NFE2L1: variants seen among roughly 807,000 people sequenced by gnomAD.
The protein encoded by NFE2L1 is NFE2 like bZIP transcription factor 1, also known as endoplasmic reticulum membrane sensor NFE2L1.
A neutral mutation model predicts 61.6 loss-of-function variants in NFE2L1; 18 were observed. That is an observed-to-expected ratio of 0.29 (90% CI 0.20 to 0.43). The LOEUF (loss-of-function observed/expected upper bound fraction) is 0.43. Among genes scored for constraint, NFE2L1 ranks in the 20% least tolerant of loss-of-function variants. NFE2L1 has a pLI of 1.00. For missense variants in NFE2L1, 827 were observed against 973.5 expected, an observed-to-expected ratio of 0.85 and a Z score of 2.00; for synonymous variants, 419 against 402.7, an observed-to-expected ratio of 1.04 and a Z score of -0.48.
chr17:48,059,635 A>G lies in NFE2L1; in HGVS notation c.2313A>G (p.Arg771=), dbSNP rs547575096. Residue 771 remains arginine, a synonymous_variant, in exon 6 of 6, where the codon AGA becomes AGG. Coordinates refer to ENST00000362042, the MANE Select transcript of NFE2L1 (RefSeq NM_003204.3). This position sits in a 1 kb window ranked among gnomAD's most constrained non-coding sequence, Gnocchi z 6.1. The stretch of plus-strand genomic sequence containing the variant: ...AGGAGAGGAAGCCAAAGGACCGGAG[A>G]AAGTGAGCCTGGGGAAGAAGGGGGT... ...RRQERKPKDR[R]K 6 of 1,548,854 alleles carry G rather than the reference A, an allele frequency of 3.9e-6. No homozygotes were observed. In the African/African-American group the frequency reaches 5.5e-5, roughly 14 times the overall value.
At position 48,059,024 on chromosome 17, in the gene NFE2L1, C is replaced by G; in HGVS notation, c.1702C>G (p.Leu568Val). 4.3e-6 allele frequency: 7 copies of G among 1,614,094 alleles called. No homozygotes were observed. Among genetic ancestry groups the G allele is most frequent in the Non-Finnish European group, 5.9e-6 (7 of 1,180,034 alleles). ...DPAQLSCLPY[L>V]EHVGHNHTYN... ...AGCTCAGCTCTCATGCCTGCCCTAC[C>G]TGGAGCACGTGGGCCACAACCACAC... is the stretch of plus-strand genomic sequence containing the variant. Residue 568 changes from leucine to valine, a missense_variant, in exon 6 of 6, where the codon CTG (leucine) becomes GTG (valine). Coordinates refer to ENST00000362042, the MANE Select transcript of NFE2L1 (RefSeq NM_003204.3). This position sits in a 1 kb window ranked among gnomAD's most constrained non-coding sequence, Gnocchi z 6.1.
chr17:48,051,480 G>A lies in NFE2L1; in HGVS notation c.362G>A (p.Gly121Asp). 6.2e-7 allele frequency: 1 copy of A among 1,614,162 alleles called. No individual in the cohort carries two copies. Among genetic ancestry groups the A allele is most frequent in the African/African-American group, 1.3e-5 (1 of 75,038 alleles). Residue 121 changes from glycine to aspartate, a missense_variant, in exon 2 of 6, where the codon GGC becomes GAC. Physicochemically the swap from Gly to Asp is moderately conservative, Grantham distance 94 (BLOSUM62 -1). Transcript: ENST00000362042. ...GTCTCTGGCAGTCAGCCCAACTCAG[G>A]CCTCGCCCTCGAGAGTTCCAGTGGC... Reference protein sequence around the residue: ...GSVSGSQPNSGLALESSSGLQ... With the variant: ...GSVSGSQPNSDLALESSSGLQ...
chr17:48,054,160 T>G (rs1257748150), intron 2 of NFE2L1, among the ~76,000 whole-genome samples: 1 of 152,114 alleles, frequency 6.6e-6, no homozygotes, highest in Non-Finnish European at 1.5e-5. Flanking sequence ...TAATTTAGAT[T>G]CCCAGAGAAT....
rs755777267 is a variant in NFE2L1 at position 48,058,536 on chromosome 17, A to G, written c.1214A>G (p.Asn405Ser). 1.7e-5 allele frequency: 27 copies of G among 1,612,690 alleles called. No homozygotes were observed. The Middle Eastern group carries it at 6.6e-4, about 39-fold the overall frequency. Residue 405 changes from asparagine to serine, a missense_variant, in exon 6 of 6, where the codon AAC becomes AGC. Transcript: ENST00000362042. ...GCCCCCAGCAATTCTACCAGCCTCA[A>G]CTCCACCTTCGGCTCCACCAACCTG... ...PLAPSNSTSL[N>S]STFGSTNLTG...
Position 48,058,491 on chromosome 17 carries a change from G to C in NFE2L1, c.1169G>C (p.Ser390Thr). The C allele has an allele frequency of 6.2e-7, 1 of 1,613,074 alleles. No homozygotes were observed. The highest frequency in any genetic ancestry group is 8.5e-7 in the Non-Finnish European group (1 of 1,179,402). ...PEVESLPVAS[S>T]STLLPLAPSN... ...GTGGAAAGCCTGCCTGTGGCCAGTA[G>C]CTCCACGCTGCTCCCGTTGGCCCCC... The change falls in exon 6 of 6, where the codon AGC (serine) becomes ACC (threonine). Residue 390 changes from serine (S) to threonine (T), a missense_variant. By Grantham distance (58) the Ser-to-Thr change is moderately conservative. Around this residue, in one of 3 missense-constraint regions of NFE2L1, gnomAD observed 667 missense variants for 748.4 expected, o/e 0.89. Coordinates refer to ENST00000362042, the MANE Select transcript of NFE2L1 (RefSeq NM_003204.3).
intron 2 of NFE2L1, among the ~76,000 whole-genome samples, chr17:48,052,491 C>T (rs1457695944): frequency 6.6e-6 from 1 of 152,052 alleles, no homozygotes; most frequent in African/African-American, 2.4e-5. Context: ...GGAGAAAGCC[C>T]GATTGGGTTT....
At chr17:48,050,565 G>C (rs1247654952) in intron 1 of NFE2L1, 42 bp from the exon 2 acceptor site, 1 of 407,618 alleles carries the variant, frequency 2.5e-6, no homozygotes, top group Non-Finnish European at 4.3e-6. Context: ...GATGTGAAAA[G>C]TATGGAATCT....
At chr17:48,054,415 G>C (rs2037335518) in intron 2 of NFE2L1, 1 of 300,704 alleles carries the variant, frequency 3.3e-6, no homozygotes, top group Non-Finnish European at 5.8e-6. Flanking sequence ...CCCGTCTGCA[G>C]CTAGGTAACA....
In NFE2L1 at chr17:48,058,608, C is replaced by G. The variant is rs1242010497; in HGVS notation, c.1286C>G (p.Thr429Arg). ...PPQLNGTAND[T>R]AGPELPDPLG... Reference sequence around the variant, plus strand: ...CAGCTCAATGGCACAGCCAATGACACAGCAGGCCCAGAGCTGCCTGACCCT... The same window carrying G: ...CAGCTCAATGGCACAGCCAATGACAGAGCAGGCCCAGAGCTGCCTGACCCT... The change falls in exon 6 of 6, where the codon ACA becomes AGA. Residue 429 changes from threonine to arginine, a missense_variant. Physicochemically the swap from Thr to Arg is moderately conservative, Grantham distance 71. This residue lies in a region of NFE2L1 where 667 missense variants were observed against 748.4 expected (regional missense o/e 0.89). Transcript: ENST00000362042. The G allele has an allele frequency of 6.2e-7, 1 of 1,613,822 alleles. No homozygotes were observed. Among genetic ancestry groups the G allele is most frequent in the Non-Finnish European group, 8.5e-7 (1 of 1,179,848 alleles).
intron 2 of NFE2L1, chr17:48,054,466 A>C (rs2037337215): frequency 2.1e-6 from 1 of 473,380 alleles, no homozygotes; most frequent in Non-Finnish European, 3.1e-6. Context: ...TCTCCAGCGG[A>C]GACTTGGGGG....
chr17:48,049,980 A>G (rs772184993), intron 1 of NFE2L1, among the ~76,000 whole-genome samples: 2 of 152,196 alleles, frequency 1.3e-5, no homozygotes, highest in Non-Finnish European at 2.9e-5. Context: ...AGGGCTGGTA[A>G]ATAAAACAAA....
rs753199985 is a variant in NFE2L1, at chr17:48,058,944, C to CTGTGGGCTA, written c.1623_1631dup (p.Val542_Tyr544dup). 2 of 1,613,912 alleles carry CTGTGGGCTA rather than the reference C, an allele frequency of 1.2e-6. No homozygotes were observed. Among genetic ancestry groups the CTGTGGGCTA allele is most frequent in the South Asian group, 2.2e-5 (2 of 91,082 alleles). ...CTGGATCTGGAAGAGGCCGAGGGTG[C>CTGTGGGCTA]TGTGGGCTACCAGCCTGAGTATTCC... On this transcript the variant is annotated inframe_insertion, in exon 6 of 6. Coordinates refer to ENST00000362042, the MANE Select transcript of NFE2L1 (RefSeq NM_003204.3).
At position 48,057,439 on chromosome 17, in the gene NFE2L1, G is replaced by C; in HGVS notation, c.909G>C (p.Gly303=). The part of the protein sequence containing the change: ...QNNLLSPLLT[G]TESPFDLEQQ... ...ACCTCTTGTCTCCTCTTCTGACCGG[G>C]ACAGAGTCACCATTTGATTTGGAAC... The change falls in exon 5 of 6, where the codon GGG becomes GGC. Residue 303 remains glycine, a synonymous_variant. Coordinates refer to ENST00000362042, the MANE Select transcript of NFE2L1 (RefSeq NM_003204.3). The C allele has an allele frequency of 1.9e-6, 3 of 1,614,176 alleles. No individual in the cohort carries two copies. The highest frequency in any genetic ancestry group is 2.5e-6 in the Non-Finnish European group (3 of 1,180,034).
chr17:48,054,921 C>G, intron 2 of NFE2L1: 1 of 1,401,268 alleles, frequency 7.1e-7, no homozygotes, highest in East Asian at 2.9e-5. Context: ...CAAGGGGCCA[C>G]CCTTCCAGCC....
In NFE2L1 at chr17:48,056,566, G is replaced by A; in HGVS notation, c.691G>A (p.Asp231Asn). Reference sequence around the variant, plus strand: ...AGCTCTGGCACGGAACCTGCTAGTGGATGGAGAGACTGGGGAGAGCTTCCC... The same window carrying A: ...AGCTCTGGCACGGAACCTGCTAGTGAATGGAGAGACTGGGGAGAGCTTCCC... ...AEALARNLLV[D>N]GETGESFPAQ... The change falls in exon 3 of 6, where the codon GAT becomes AAT. Residue 231 changes from aspartate to asparagine, a missense_variant. Coordinates refer to ENST00000362042, the MANE Select transcript of NFE2L1 (RefSeq NM_003204.3). 1 of 1,613,642 alleles carries A rather than the reference G, an allele frequency of 6.2e-7. No homozygotes were observed.
intron 5 of NFE2L1, 106 bp downstream of exon 5, chr17:48,057,608 G>A (rs1457327205): frequency 1.1e-5 from 15 of 1,379,394 alleles, no homozygotes; most frequent in Non-Finnish European, 9.8e-6. Flanking sequence ...TACTTTCCCT[G>A]AATCATAGAG....
Position 48,050,798 on chromosome 17 carries a change from C to CTGTA in NFE2L1, c.-317_-314dup. ...ACAACTAATGTGAGTGAGGAAGTGACTGTATGTGGACTGTGGAGAAAGTAA... is the reference window on the plus strand; with the variant it reads ...ACAACTAATGTGAGTGAGGAAGTGACTGTATGTATGTGGACTGTGGAGAAAGTAA... On this transcript the variant is annotated 5_prime_UTR_variant, in exon 2 of 6. The change creates a new upstream start codon in the 5' untranslated region. Coordinates refer to ENST00000362042, the MANE Select transcript of NFE2L1 (RefSeq NM_003204.3). 1.8e-6 allele frequency: 1 copy of CTGTA among 555,748 alleles called. No individual in the cohort carries two copies. The highest frequency in any genetic ancestry group is 3.2e-6 in the Non-Finnish European group (1 of 313,242). The allele number at this position is 555,748 out of a possible 1,614,324, so 34.4% of individuals were successfully genotyped here.
chr17:48,056,770 G>T (rs181392148), intron 3 of NFE2L1, among the ~76,000 whole-genome samples, 172 bp downstream of exon 3: 3 of 152,202 alleles, frequency 2.0e-5, no homozygotes, highest in South Asian at 2.1e-4. Context: ...GCCTTGGAAG[G>T]GGGGAGTGGA....
chr17:48,051,297 A>G lies in NFE2L1; in HGVS notation c.179A>G (p.Asn60Ser), dbSNP rs1388288824. Reference sequence around the variant, plus strand: ...CAGACCCAGTTCCACAACCTGAGGAATACCTTGGATGGCTATGGTATCCAC... The same window carrying G: ...CAGACCCAGTTCCACAACCTGAGGAGTACCTTGGATGGCTATGGTATCCAC... ...YTQTQFHNLR[N>S]TLDGYGIHPK... The change falls in exon 2 of 6, where the codon AAT becomes AGT. Residue 60 changes from asparagine to serine, a missense_variant. Transcript: ENST00000362042. The G allele has an allele frequency of 3.7e-6, 6 of 1,613,952 alleles. No homozygotes were observed. Among genetic ancestry groups the G allele is most frequent in the South Asian group, 2.2e-5 (2 of 91,066 alleles).
Sources: gnomAD v4.1 joint callset for allele counts (sites outside exome capture counted in the v4.1 genomes callset) on GRCh38, gnomAD v4.1.1 for gene constraint, gnomAD v4.1.1 regional missense constraint, Gnocchi (gnomAD v3.1) non-coding constraint, MANE v1.5 for transcripts, NCBI Gene and HGNC (gene_info 2026-07-23, HGNC 2026-07-21) for gene names.